Variants in CYP4V2 observed in about 807,000 individuals in gnomAD.
The protein encoded by CYP4V2 is cytochrome P450 4V2.
In CYP4V2, 55 loss-of-function variants were observed where a neutral mutation model predicts 60.8. That is an observed-to-expected ratio of 0.90 (90% CI 0.73 to 1.13). The LOEUF is 1.13. Ranked by LOEUF, CYP4V2 falls within the 50% of genes most tolerant of loss-of-function variation. The probability of loss-of-function intolerance (pLI) is 0.00; values close to 1 mark genes in which losing one functional copy is unlikely to be tolerated. For synonymous variants in CYP4V2, 239 were observed against 236.8 expected (o/e 1.01, Z -0.08); for missense variants, 675 against 662.9 (o/e 1.02, Z -0.20).
In CYP4V2 at chr4:186,210,839, A is replaced by AT. The variant is rs199938898; in HGVS notation, c.*210dup. ...GTATTTTCTTTTTTCTTTTTTCTTT[A>AT]TTTTTTTTTTTTGAAACCGTGTCTC... On this transcript the variant is annotated 3_prime_UTR_variant, in exon 11 of 11. Coordinates refer to ENST00000378802, the MANE Select transcript of CYP4V2 (RefSeq NM_207352.4). 0.18 allele frequency: 90,939 copies of AT among 514,614 alleles called. 2,396 individuals are homozygous for AT. The highest frequency in any genetic ancestry group is 0.23 in the Admixed American group (6,375 of 27,786). The allele number at this position is 514,614 out of a possible 1,614,324, so 31.9% of individuals were successfully genotyped here.
intron 6 of CYP4V2, 68 bp downstream of exon 6, chr4:186,199,151 T>A: frequency 6.6e-7 from 1 of 1,510,380 alleles, no homozygotes; most frequent in Non-Finnish European, 9.1e-7. Context: ...ATAACCATTT[T>A]AACTGTACAG....
rs1304200174 is a variant in CYP4V2, at chr4:186,208,971, C to G, written c.1197C>G (p.Ala399=). Residue 399 remains alanine (A), a synonymous_variant, in exon 9 of 11, where the codon GCC becomes GCG. Coordinates refer to ENST00000378802, the MANE Select transcript of CYP4V2 (RefSeq NM_207352.4). ...LRLFPSVPLF[A]RSVSEDCEVA... ...TTTTTCCTTCTGTTCCTTTATTTGC[C>G]CGTAGTGTTAGTGAAGATTGTGAAG... 1.9e-6 allele frequency: 3 copies of G among 1,614,036 alleles called. No homozygotes were observed. Among genetic ancestry groups the G allele is most frequent in the Non-Finnish European group, 1.7e-6 (2 of 1,179,998 alleles).
intron 5 of CYP4V2, among the ~76,000 whole-genome samples, chr4:186,198,076 G>A (rs530868128): frequency 2.0e-5 from 3 of 152,090 alleles, no homozygotes; most frequent in Non-Finnish European, 4.4e-5. Context: ...TTTAGTCATC[G>A]AAACAGTCAA....
chr4:186,192,439 G>A, intron 1 of CYP4V2: 1 of 360,766 alleles, frequency 2.8e-6, no homozygotes, highest in Non-Finnish European at 5.4e-6. Flanking sequence ...TCCTCTCGCT[G>A]CCACTTTGGA....
chr4:186,204,789 C>T, intron 7 of CYP4V2: 2 of 319,772 alleles, frequency 6.3e-6, no homozygotes, highest in Non-Finnish European at 6.1e-6. Flanking sequence ...AACCACACCT[C>T]TACCCCCTGG....
rs2126600569 is a variant in CYP4V2 at position 186,208,887 on chromosome 4, A to G, written c.1113A>G (p.Thr371=). 3 of 1,614,230 alleles carry G rather than the reference A, an allele frequency of 1.9e-6. No homozygotes were observed. Among genetic ancestry groups the G allele is most frequent in the Non-Finnish European group, 2.5e-6 (3 of 1,180,044 alleles). The change falls in exon 9 of 11, where the codon ACA becomes ACG. Residue 371 remains threonine, a synonymous_variant. Coordinates refer to ENST00000378802, the MANE Select transcript of CYP4V2 (RefSeq NM_207352.4). ...DVFGKSDRPA[T]VEDLKKLRYL... is the part of the protein sequence containing the mutation. ...CAGGGAAGTCTGACCGTCCCGCTAC[A>G]GTAGAAGACCTGAAGAAACTTCGGT...
rs566912400 is a variant in CYP4V2, at chr4:186,208,013, T to A, written c.1091-852T>A. ...AGCATCCCCTGCCTTGATCCACATG[T>A]TCTTCTTTGATGGGTATTTAGCATC... On this transcript the variant is annotated intron_variant, in intron 8 of 10. Transcript: ENST00000378802. Among the ~76,000 whole-genome samples, 52 of 152,328 alleles carry A rather than the reference T, an allele frequency of 3.4e-4. No individual in the cohort carries two copies. In the South Asian group the frequency reaches 0.011, roughly 32 times the overall value.
At position 186,192,019 on chromosome 4, in the gene CYP4V2, A is replaced by G; in HGVS notation, c.196A>G (p.Met66Val). 1 of 1,581,304 alleles carries G rather than the reference A, an allele frequency of 6.3e-7. No homozygotes were observed. The highest frequency in any genetic ancestry group is 1.3e-5 in the African/African-American group (1 of 74,572). Reference sequence around the variant, plus strand: ...CCCACTGGTGGGCCACGCGCTGCTGATGAAGCCGGACGGGCGAGGTAAGGG... The same window carrying G: ...CCCACTGGTGGGCCACGCGCTGCTGGTGAAGCCGGACGGGCGAGGTAAGGG... ...AYPLVGHALLMKPDGREFFQQ... is the reference protein window; with the variant it reads ...AYPLVGHALLVKPDGREFFQQ... Residue 66 changes from methionine to valine, a missense_variant, in exon 1 of 11, where the codon ATG becomes GTG. Met to Val is a conservative substitution (Grantham distance 21). Coordinates refer to ENST00000378802, the MANE Select transcript of CYP4V2 (RefSeq NM_207352.4).
Position 186,194,526 on chromosome 4 carries a change from A to C in CYP4V2, c.241A>C (p.Thr81Pro). ...REFFQQIIEY[T>P]EEYRHMPLLK... ...ATTTTTTCAGCAGATCATTGAGTAC[A>C]CAGAGGAATACCGCCACATGCCGCT... Residue 81 changes from threonine (T) to proline (P), a missense_variant, in exon 2 of 11, where the codon ACA becomes CCA. Coordinates refer to ENST00000378802, the MANE Select transcript of CYP4V2 (RefSeq NM_207352.4). The C allele has an allele frequency of 1.2e-6, 2 of 1,614,178 alleles. No homozygotes were observed. Among genetic ancestry groups the C allele is most frequent in the Non-Finnish European group, 1.7e-6 (2 of 1,180,012 alleles).
At chr4:186,197,677 G>C (rs1048056663) in intron 5 of CYP4V2, 75 bp downstream of exon 5, 1 of 1,469,762 alleles carries the variant, frequency 6.8e-7, no homozygotes, top group Non-Finnish European at 9.5e-7. Flanking sequence ...AACAATTTCT[G>C]CGTTGTATCT....
At chr4:186,194,705 C>A in intron 2 of CYP4V2, 93 bp downstream of exon 2, 3 of 1,190,900 alleles carry the variant, frequency 2.5e-6, no homozygotes, top group Non-Finnish European at 3.7e-6. Context: ...TATATTTCAG[C>A]CATTTCAGCA....
rs983152191 is a variant in CYP4V2 at position 186,200,839 on chromosome 4, T to C, written c.802-318T>C. Among the ~76,000 whole-genome samples the C allele has an allele frequency of 2.6e-5, 4 of 152,162 alleles. No homozygotes were observed. The East Asian group carries it at 7.7e-4, about 29-fold the overall frequency. On this transcript the variant is annotated intron_variant, in intron 6 of 10. Coordinates refer to ENST00000378802, the MANE Select transcript of CYP4V2 (RefSeq NM_207352.4). ...CATTCACTCTACCACTTAAACTTTT[T>C]CTCATTAGCGCAATCCAATCTCTAG...
Position 186,191,661 on chromosome 4 carries a change from G to A in CYP4V2, c.-163G>A. On this transcript the variant is annotated 5_prime_UTR_variant, in exon 1 of 11. Coordinates refer to ENST00000378802, the MANE Select transcript of CYP4V2 (RefSeq NM_207352.4). Reference sequence around the variant, plus strand: ...CCCCGTGGCGCCCTCTCTGGCCGCCGCCCGGGCGGGAAACGTCGTTCCGGG... The same window carrying A: ...CCCCGTGGCGCCCTCTCTGGCCGCCACCCGGGCGGGAAACGTCGTTCCGGG... 3.4e-6 allele frequency: 2 copies of A among 592,274 alleles called. No individual in the cohort carries two copies. Among genetic ancestry groups the A allele is most frequent in the Non-Finnish European group, 4.8e-6 (2 of 415,238 alleles). 36.7% of individuals were successfully genotyped at this position (592,274 alleles called of 1,614,324 possible).
chr4:186,207,135 T>A (rs187746629), intron 8 of CYP4V2, among the ~76,000 whole-genome samples: 8 of 152,190 alleles, frequency 5.3e-5, no homozygotes, highest in African/African-American at 1.9e-4. Context: ...TAAGCTGGGC[T>A]CGGTGGCTCA....
intron 7 of CYP4V2, 83 bp downstream of exon 7, chr4:186,201,425 CAA>C: frequency 6.7e-7 from 1 of 1,483,306 alleles, no homozygotes; most frequent in East Asian, 2.3e-5. Flanking sequence ...TTAAAACAAT[CAA>C]ATTTTAAAGT....
chr4:186,193,912 T>A (rs1219628543), intron 1 of CYP4V2, among the ~76,000 whole-genome samples: 2 of 152,228 alleles, frequency 1.3e-5, no homozygotes, highest in Non-Finnish European at 2.9e-5. Context: ...TCCAGTCCAT[T>A]GTGACAAAGT....
Position 186,210,708 on chromosome 4 carries a change from A to G in CYP4V2, c.*67A>G, listed in dbSNP as rs1736689544. ...ATTTTAAGAGATCCTTGTCATTTAC[A>G]ATTTACAGATCATGAGTTCAATATG... On this transcript the variant is annotated 3_prime_UTR_variant, in exon 11 of 11. Transcript: ENST00000378802. The G allele has an allele frequency of 1.0e-5, 16 of 1,595,156 alleles. No homozygotes were observed. Among genetic ancestry groups the G allele is most frequent in the Non-Finnish European group, 1.2e-5 (14 of 1,167,476 alleles).
Position 186,195,928 on chromosome 4 carries a change from A to G in CYP4V2, c.328-75A>G. On this transcript the variant is annotated intron_variant, in intron 2 of 10. Coordinates refer to ENST00000378802, the MANE Select transcript of CYP4V2 (RefSeq NM_207352.4). The surrounding 1 kb of genome is among the most constrained non-coding windows in gnomAD (Gnocchi z 4.1). ...ATGCCCTAAAAACTAGCTGTATTCT[A>G]GCCAGTATTCCTATAATTACAGGAA... The G allele has an allele frequency of 9.5e-7, 1 of 1,053,202 alleles. No individual in the cohort carries two copies. The highest frequency in any genetic ancestry group is 1.5e-6 in the Non-Finnish European group (1 of 681,102). The allele number at this position is 1,053,202 out of a possible 1,614,324, so 65.2% of individuals were successfully genotyped here.
At chr4:186,193,018 G>C (rs1337493055) in intron 1 of CYP4V2, among the ~76,000 whole-genome samples, 2 of 152,184 alleles carry the variant, frequency 1.3e-5, no homozygotes, top group African/African-American at 4.8e-5. Flanking sequence ...CCTCATGGAA[G>C]AGTGTTTACC....
Sources: gnomAD v4.1 joint callset for allele counts (sites outside exome capture counted in the v4.1 genomes callset) on GRCh38, gnomAD v4.1.1 for gene constraint, Gnocchi (gnomAD v3.1) non-coding constraint, MANE v1.5 for transcripts, NCBI Gene and HGNC (gene_info 2026-07-23, HGNC 2026-07-21) for gene names.